MCTP1: variants seen among roughly 807,000 people sequenced by gnomAD.
The protein encoded by MCTP1 is multiple C2 and transmembrane domain containing 1.
A neutral mutation model predicts 120.6 loss-of-function variants in MCTP1; 69 were observed. The ratio of observed to expected loss-of-function variants is 0.57; its 90% CI spans 0.47 to 0.70. MCTP1 has a LOEUF of 0.70. MCTP1 is among the 30% of genes least tolerant of loss of function. The pLI is 0.00. For synonymous variants in MCTP1, 529 were observed against 493.1 expected (o/e 1.07, Z -0.96); for missense variants, 1,203 against 1,248.8 (o/e 0.96, Z 0.55).
Position 94,764,777 on chromosome 5 carries a change from T to C in MCTP1, c.2610+14333A>G, listed in dbSNP as rs571289243. 3.5e-4 allele frequency among the ~76,000 whole-genome samples: 39 copies of C among 112,350 alleles called. No individual in the cohort carries two copies. The East Asian group carries it at 9.9e-3, about 28-fold the overall frequency. 73.7% of individuals were successfully genotyped at this position (112,350 alleles called of 152,430 possible). On this transcript the variant is annotated intron_variant, in intron 19 of 22. Transcript: ENST00000515393. ...GGAGATAGAGACTCCAACACAAAAA[T>C]AATTGGGGACTTCAATACCCTACTG...
At chr5:95,157,797 T>C (rs1269707573) in intron 1 of MCTP1, among the ~76,000 whole-genome samples, 1 of 152,240 alleles carries the variant, frequency 6.6e-6, no homozygotes, top group East Asian at 1.9e-4. Context: ...GTCAGCCAGA[T>C]GCCTGTTTTT....
chr5:95,254,205 CA>C (rs1192853851), intron 1 of MCTP1, among the ~76,000 whole-genome samples: 2 of 152,228 alleles, frequency 1.3e-5, no homozygotes, highest in East Asian at 3.9e-4. Context: ...CAGCCAGAAA[CA>C]ATGATTATAT....
chr5:94,894,547 C>T (rs1342751843), intron 11 of MCTP1, 102 bp downstream of exon 11: 2 of 845,754 alleles, frequency 2.4e-6, no homozygotes, highest in Non-Finnish European at 3.5e-6. Context: ...CCAATTCTTC[C>T]ACCAGACAAC....
chr5:94,871,027 T>A, intron 14 of MCTP1, 54 bp from the exon 15 acceptor site: 1 of 1,395,104 alleles, frequency 7.2e-7, no homozygotes, highest in Non-Finnish European at 1.0e-6. Context: ...CTGAATACAC[T>A]CCCTCAGTGA....
intron 1 of MCTP1, among the ~76,000 whole-genome samples, chr5:95,077,366 T>G (rs928427900): frequency 6.6e-6 from 1 of 152,208 alleles, no homozygotes; most frequent in Non-Finnish European, 1.5e-5. Context: ...CACCTCTATC[T>G]GTCTCTTTTT....
intron 18 of MCTP1, among the ~76,000 whole-genome samples, chr5:94,796,580 T>TAC (rs535395569): frequency 0.014 from 1,970 of 138,196 alleles, 30 homozygotes; most frequent in African/African-American, 0.049. Flanking sequence ...TGTATCCACA[T>TAC]ACACACACAC....
At chr5:94,773,883 ATAT>A (rs576932824) in intron 19 of MCTP1, among the ~76,000 whole-genome samples, 313 of 151,606 alleles carry the variant, frequency 2.1e-3, no homozygotes, top group African/African-American at 7.1e-3. Context: ...ACAATTCAAG[ATAT>A]TATTGTGTGC....
chr5:95,212,865 A>C (rs1752563991), intron 1 of MCTP1, among the ~76,000 whole-genome samples: 1 of 152,240 alleles, frequency 6.6e-6, no homozygotes, highest in South Asian at 2.1e-4. Context: ...GACGTATCTC[A>C]AAATAATAAG....
intron 15 of MCTP1, 122 bp downstream of exon 15, chr5:94,870,750 T>C: frequency 1.3e-6 from 1 of 777,092 alleles, no homozygotes. Flanking sequence ...AAGCGTATTC[T>C]CCAGGACACA....
intron 19 of MCTP1, among the ~76,000 whole-genome samples, chr5:94,765,042 A>G (rs1772256981): frequency 6.6e-6 from 1 of 152,100 alleles, no homozygotes; most frequent in South Asian, 2.1e-4. Flanking sequence ...AACCATATGA[A>G]GTATCTTCTC....
At chr5:94,799,418 T>C (rs1780740487) in intron 17 of MCTP1, among the ~76,000 whole-genome samples, 1 of 152,168 alleles carries the variant, frequency 6.6e-6, no homozygotes, top group Admixed American at 6.6e-5. Flanking sequence ...AGTGAAATTA[T>C]TGTTAAGTTG....
intron 1 of MCTP1, among the ~76,000 whole-genome samples, chr5:95,237,207 G>C (rs1056060852): frequency 7.2e-5 from 11 of 152,092 alleles, no homozygotes; most frequent in African/African-American, 2.7e-4. Context: ...AGACAGTCTG[G>C]AGGATGTAGT....
intron 1 of MCTP1, among the ~76,000 whole-genome samples, chr5:95,098,707 T>C (rs1756469854): frequency 6.6e-6 from 1 of 152,016 alleles, no homozygotes; most frequent in Non-Finnish European, 1.5e-5. Flanking sequence ...CAAGGTAATT[T>C]ATAGATTCAA....
intron 17 of MCTP1, among the ~76,000 whole-genome samples, chr5:94,865,954 T>C (rs946218863): frequency 2.4e-4 from 37 of 152,040 alleles, no homozygotes; most frequent in African/African-American, 8.7e-4. Flanking sequence ...GTGGTTGTTT[T>C]TGTCATTATT....
At chr5:94,813,984 G>A (rs1323984270) in intron 17 of MCTP1, among the ~76,000 whole-genome samples, 8 of 152,230 alleles carry the variant, frequency 5.3e-5, no homozygotes, top group South Asian at 2.1e-4. Context: ...TTCAAAAAAC[G>A]CAAATCCCTA....
intron 1 of MCTP1, among the ~76,000 whole-genome samples, chr5:95,236,520 G>A (rs1232282423): frequency 6.6e-6 from 1 of 152,120 alleles, no homozygotes; most frequent in Non-Finnish European, 1.5e-5. Flanking sequence ...GGACTGTCTA[G>A]TAGCCATATG....
At chr5:94,827,841 T>A (rs191350377) in intron 17 of MCTP1, among the ~76,000 whole-genome samples, 275 of 152,118 alleles carry the variant, frequency 1.8e-3, no homozygotes, top group African/African-American at 6.4e-3. Flanking sequence ...TTCTCTAAAC[T>A]GGTTTTTCTA....
chr5:94,933,308 G>C (rs1435444357), intron 5 of MCTP1, among the ~76,000 whole-genome samples: 1 of 151,532 alleles, frequency 6.6e-6, no homozygotes, highest in Admixed American at 6.6e-5. Flanking sequence ...TCCCAGCATT[G>C]GGTTATAGAG....
intron 2 of MCTP1, among the ~76,000 whole-genome samples, chr5:94,978,464 A>G (rs114950179): frequency 2.6e-3 from 396 of 152,264 alleles, no homozygotes; most frequent in African/African-American, 8.6e-3. Context: ...ATGTTCATCA[A>G]TGAATGCATG....
Sources: gnomAD v4.1 joint callset for allele counts (sites outside exome capture counted in the v4.1 genomes callset) on GRCh38, gnomAD v4.1.1 for gene constraint, MANE v1.5 for transcripts, NCBI Gene and HGNC (gene_info 2026-07-23, HGNC 2026-07-21) for gene names.